PAMR1: variants seen among roughly 807,000 people sequenced by gnomAD.
PAMR1 encodes the protein peptidase domain containing associated with muscle regeneration 1.
Under a neutral mutation model 81.8 loss-of-function variants are expected in PAMR1, and 88 were observed. The observed-to-expected ratio is 1.08, with a 90% CI of 0.91 to 1.28. The LOEUF is 1.28. Among genes scored for constraint, PAMR1 ranks in the 50% most tolerant of loss-of-function variants. PAMR1 has a pLI of 0.00. For synonymous variants in PAMR1, 336 were observed against 345.3 expected (o/e 0.97, Z 0.30); for missense variants, 935 against 919.7 (o/e 1.02, Z -0.21).
rs1264133830 is a variant in PAMR1 at position 35,434,811 on chromosome 11, A to G, written c.1334-7T>C. 3 of 1,610,300 alleles carry G rather than the reference A, an allele frequency of 1.9e-6. No homozygotes were observed. In the African/African-American group the frequency reaches 4.0e-5, roughly 22 times the overall value. ...TTCTCAATTTTCCCGCAGACTATGG[A>G]GAAAGTACCAGCTTAGTAAGATAAA... On this transcript the variant is annotated splice_region_variant and splice_polypyrimidine_tract_variant and intron_variant, in intron 9 of 10. Transcript: ENST00000619888.
chr11:35,438,254 T>C (rs576719357), intron 8 of PAMR1, among the ~76,000 whole-genome samples: 45 of 152,286 alleles, frequency 3.0e-4, no homozygotes, highest in African/African-American at 1.0e-3. Flanking sequence ...CTCTGTAATA[T>C]AAATGGTAAT....
At chr11:35,497,387 C>G (rs1850747051) in intron 1 of PAMR1, among the ~76,000 whole-genome samples, 1 of 152,038 alleles carries the variant, frequency 6.6e-6, no homozygotes, top group Non-Finnish European at 1.5e-5. Flanking sequence ...TTCATAGAGA[C>G]AGAAAGTAGA....
chr11:35,479,080 C>T (rs987873613), intron 3 of PAMR1, among the ~76,000 whole-genome samples: 15 of 152,280 alleles, frequency 9.9e-5, no homozygotes, highest in Admixed American at 2.0e-4. Flanking sequence ...TAGCCTCAGA[C>T]AAAAGTCTTC....
chr11:35,471,400 C>A (rs1173310910), intron 4 of PAMR1, among the ~76,000 whole-genome samples: 1 of 152,202 alleles, frequency 6.6e-6, no homozygotes, highest in African/African-American at 2.4e-5. Context: ...GGAGATGCTA[C>A]AGATATTGCC....
At chr11:35,526,624 G>C (rs1054445041), upstream of PAMR1, among the ~76,000 whole-genome samples, 1 of 152,202 alleles carries the variant, frequency 6.6e-6, no homozygotes, top group Non-Finnish European at 1.5e-5. Flanking sequence ...ACTCATCCAA[G>C]GCCACACAGT....
chr11:35,495,478 G>A (rs118183089), intron 1 of PAMR1, among the ~76,000 whole-genome samples: 2,416 of 152,214 alleles, frequency 0.016, 36 homozygotes, highest in Non-Finnish European at 0.026. Flanking sequence ...AAGAAGTCAG[G>A]CTAAGAAACA....
At chr11:35,479,869 C>A (rs891344641) in intron 3 of PAMR1, among the ~76,000 whole-genome samples, 1 of 152,164 alleles carries the variant, frequency 6.6e-6, no homozygotes, top group Non-Finnish European at 1.5e-5. Context: ...ACAAGGGTTG[C>A]AATGGGGATT....
intron 4 of PAMR1, among the ~76,000 whole-genome samples, chr11:35,473,863 C>A (rs1850235404): frequency 6.6e-6 from 1 of 152,106 alleles, no homozygotes; most frequent in African/African-American, 2.4e-5. Flanking sequence ...GGACAATGAC[C>A]CTAGCCATTC....
At chr11:35,458,973 C>T (rs1319606150) in intron 6 of PAMR1, among the ~76,000 whole-genome samples, 1 of 152,188 alleles carries the variant, frequency 6.6e-6, no homozygotes, top group African/African-American at 2.4e-5. Context: ...GTGATGTAAT[C>T]CCCACTGAAA....
intron 6 of PAMR1, among the ~76,000 whole-genome samples, chr11:35,456,688 G>A (rs920845564): frequency 6.6e-6 from 1 of 152,100 alleles, no homozygotes; most frequent in South Asian, 2.1e-4. Context: ...TTTATGATAG[G>A]AGCAGCCATT....
chr11:35,510,202 C>T (rs1460204595), intron 1 of PAMR1, among the ~76,000 whole-genome samples: 4 of 152,108 alleles, frequency 2.6e-5, no homozygotes, highest in African/African-American at 9.7e-5. Flanking sequence ...CCCACATACC[C>T]TCCCTCCCAC....
chr11:35,509,230 T>C (rs1351721763), intron 1 of PAMR1, among the ~76,000 whole-genome samples: 1 of 152,168 alleles, frequency 6.6e-6, no homozygotes, highest in African/African-American at 2.4e-5. Flanking sequence ...GAAAAATGAA[T>C]GTGTAAGAAA....
At chr11:35,512,436 C>T (rs2135419541) in intron 1 of PAMR1, among the ~76,000 whole-genome samples, 1 of 152,262 alleles carries the variant, frequency 6.6e-6, no homozygotes, top group Admixed American at 6.5e-5. Context: ...CAGAACTCAG[C>T]TTTTTGGGGC....
At chr11:35,482,619 C>T (rs1364105886) in intron 3 of PAMR1, among the ~76,000 whole-genome samples, 1 of 152,244 alleles carries the variant, frequency 6.6e-6, no homozygotes, top group East Asian at 1.9e-4. Context: ...TTTATAAGTA[C>T]TTTGGGCAGT....
chr11:35,494,241 T>C lies in PAMR1; in HGVS notation c.105A>G (p.Gly35=). The C allele has an allele frequency of 1.9e-6, 3 of 1,614,176 alleles. No individual in the cohort carries two copies. Among genetic ancestry groups the C allele is most frequent in the Middle Eastern group, 1.6e-4 (1 of 6,062 alleles). The change falls in exon 2 of 11, where the codon GGA becomes GGG. Residue 35 remains glycine (G), a synonymous_variant. Transcript: ENST00000619888. ...CCCGACACATGATATTCCACTCTGCTCCAGGGCAGGCTTCATTAATGACTG... is the reference window on the plus strand; with the variant it reads ...CCCGACACATGATATTCCACTCTGCCCCAGGGCAGGCTTCATTAATGACTG... ...EYTVINEACP[G]AEWNIMCREC...
intron 1 of PAMR1, among the ~76,000 whole-genome samples, chr11:35,504,127 T>A (rs1027729600): frequency 2.6e-5 from 4 of 152,210 alleles, no homozygotes; most frequent in African/African-American, 9.6e-5. Context: ...TCTATTGAAA[T>A]GATCACATGG....
chr11:35,491,565 T>C (rs867794232), intron 3 of PAMR1, among the ~76,000 whole-genome samples: 1 of 152,178 alleles, frequency 6.6e-6, no homozygotes, highest in Non-Finnish European at 1.5e-5. Context: ...TAATAAAAAC[T>C]AAGTAATTCT....
chr11:35,445,158 TA>T (rs1184760842), intron 6 of PAMR1, among the ~76,000 whole-genome samples: 1 of 152,206 alleles, frequency 6.6e-6, no homozygotes, highest in East Asian at 1.9e-4. Context: ...TGTTGATGTA[TA>T]GGAATGCTTA....
chr11:35,490,320 C>G (rs1456588777), intron 3 of PAMR1, among the ~76,000 whole-genome samples: 1 of 152,204 alleles, frequency 6.6e-6, no homozygotes, highest in Non-Finnish European at 1.5e-5. Flanking sequence ...CTCCTGCCTA[C>G]CACTCCAACC....
Sources: gnomAD v4.1 joint callset for allele counts (sites outside exome capture counted in the v4.1 genomes callset) on GRCh38, gnomAD v4.1.1 for gene constraint, MANE v1.5 for transcripts, NCBI Gene and HGNC (gene_info 2026-07-23, HGNC 2026-07-21) for gene names.